The following ACTN2 variants were observed in gnomAD, a reference collection of about 807,000 sequenced individuals.
ACTN2 encodes the protein actinin alpha 2, also known as alpha-actinin-2.
Under a neutral mutation model 113.8 loss-of-function variants are expected in ACTN2, and 39 were observed. The ratio of observed to expected loss-of-function variants is 0.34; its 90% CI spans 0.27 to 0.45. ACTN2 has a LOEUF of 0.45. Ranked by LOEUF, ACTN2 falls within the 20% of genes least tolerant of loss-of-function variation. ACTN2 has a pLI of 1.00. For synonymous variants in ACTN2, 429 were observed against 444.1 expected, an observed-to-expected ratio of 0.97 and a Z score of 0.43; for missense variants, 992 against 1,177.9, an observed-to-expected ratio of 0.84 and a Z score of 2.31.
intron 12 of ACTN2, among the ~76,000 whole-genome samples, chr1:236,747,224 C>A (rs747038350): frequency 1.3e-5 from 2 of 152,290 alleles, no homozygotes; most frequent in East Asian, 3.9e-4. Context: ...TGTTGGCCAG[C>A]GAAAGTTTTA....
chr1:236,722,381 A>G (rs1291068940), intron 4 of ACTN2, among the ~76,000 whole-genome samples: 1 of 152,146 alleles, frequency 6.6e-6, no homozygotes, highest in Admixed American at 6.5e-5. Context: ...TCACGCCTGT[A>G]ACCCCAGCAC....
chr1:236,715,195 T>G (rs1426921685), intron 1 of ACTN2, among the ~76,000 whole-genome samples: 1 of 151,532 alleles, frequency 6.6e-6, no homozygotes, highest in Non-Finnish European at 1.5e-5. Flanking sequence ...TTAGGGTACA[T>G]GTGCACAACG....
chr1:236,744,514 T>C, intron 11 of ACTN2, 112 bp from the exon 12 acceptor site: 1 of 1,315,874 alleles, frequency 7.6e-7, no homozygotes, highest in Non-Finnish European at 1.1e-6. Flanking sequence ...TGCCCCTCTC[T>C]GTCCCCTTCT....
At chr1:236,705,494 A>C (rs1657798262) in intron 1 of ACTN2, among the ~76,000 whole-genome samples, 1 of 152,196 alleles carries the variant, frequency 6.6e-6, no homozygotes, top group South Asian at 2.1e-4. Context: ...ATGAATGTGC[A>C]CATGGAGGGG....
At chr1:236,710,738 C>T (rs1483160767) in intron 1 of ACTN2, among the ~76,000 whole-genome samples, 1 of 152,196 alleles carries the variant, frequency 6.6e-6, no homozygotes. Context: ...CTGAACTCCG[C>T]CTCCTGTCAG....
intron 10 of ACTN2, among the ~76,000 whole-genome samples, chr1:236,742,333 C>T (rs1012122181): frequency 6.6e-6 from 1 of 152,084 alleles, no homozygotes; most frequent in African/African-American, 2.4e-5. Flanking sequence ...CTCACTAGTG[C>T]CTGGTACATG....
In ACTN2 at chr1:236,739,466, G is replaced by A. The variant is rs572167559; in HGVS notation, c.1041G>A (p.Thr347=). 24 of 1,614,108 alleles carry A rather than the reference G, an allele frequency of 1.5e-5. No individual in the cohort carries two copies. The highest frequency in any genetic ancestry group is 9.3e-5 in the African/African-American group (7 of 75,026). The change falls in exon 10 of 21, where the codon ACG becomes ACA. Residue 347 remains threonine (T), a synonymous_variant. Transcript: ENST00000366578. The part of the protein sequence containing the change: ...EKCQLEINFN[T]LQTKLRISNR... ...GCCAGCTGGAGATCAACTTCAACAC[G>A]CTGCAGACCAAGCTGCGGATCAGCA...
intron 9 of ACTN2, among the ~76,000 whole-genome samples, chr1:236,738,075 T>G (rs12139278): frequency 1.3e-5 from 2 of 151,964 alleles, no homozygotes; most frequent in Admixed American, 6.5e-5. Context: ...AGTGGGGCAG[T>G]CCTGGCGCAC....
At chr1:236,740,148 C>T (rs908692904) in intron 10 of ACTN2, among the ~76,000 whole-genome samples, 1 of 152,042 alleles carries the variant, frequency 6.6e-6, no homozygotes, top group African/African-American at 2.4e-5. Flanking sequence ...GAGTCTCACT[C>T]TGTCACCCAG....
chr1:236,714,986 T>C (rs1658131133), intron 1 of ACTN2, among the ~76,000 whole-genome samples: 1 of 130,666 alleles, frequency 7.7e-6, no homozygotes, highest in Non-Finnish European at 1.6e-5. Flanking sequence ...AAGAGACTGA[T>C]AGCTTCATTC....
Position 236,698,783 on chromosome 1 carries a change from T to C in ACTN2, c.126+11984T>C, listed in dbSNP as rs117236541. On this transcript the variant is annotated intron_variant, in intron 1 of 20. Transcript: ENST00000366578. ...CACATATTATTCCTAGTATCCCAAA[T>C]GATTTGCTGAAGAAGACAGAGAAAC... Among the ~76,000 whole-genome samples, 85 of 152,352 alleles carry C rather than the reference T, an allele frequency of 5.6e-4. 3 individuals are homozygous for C. The East Asian group carries it at 0.015, about 27-fold the overall frequency.
intron 12 of ACTN2, among the ~76,000 whole-genome samples, chr1:236,745,420 C>T (rs982610287): frequency 2.0e-5 from 3 of 152,062 alleles, no homozygotes; most frequent in East Asian, 1.9e-4. Context: ...GGCGACAGAG[C>T]GGGACTCCGT....
chr1:236,717,861 T>C lies in ACTN2; in HGVS notation c.130T>C (p.Phe44Leu). The C allele has an allele frequency of 2.5e-6, 4 of 1,613,108 alleles. No individual in the cohort carries two copies. Among genetic ancestry groups the C allele is most frequent in the Non-Finnish European group, 3.4e-6 (4 of 1,179,130 alleles). Residue 44 changes from phenylalanine to leucine, a missense_variant, in exon 2 of 21, where the codon TTC becomes CTC. By Grantham distance (22) the Phe-to-Leu change is conservative (BLOSUM62 0). This residue lies in a region of ACTN2 where 220 missense variants were observed against 337.5 expected (regional missense o/e 0.65). Coordinates refer to ENST00000366578, the MANE Select transcript of ACTN2 (RefSeq NM_001103.4). Reference sequence around the variant, plus strand: ...CCGTGTTTGGTTTTCTTTGCAGACCTTCACTGCCTGGTGTAACTCCCACCT... The same window carrying C: ...CCGTGTTTGGTTTTCTTTGCAGACCCTCACTGCCTGGTGTAACTCCCACCT... ...PAWEKQQRKT[F>L]TAWCNSHLRK...
chr1:236,751,750 A>C, intron 15 of ACTN2, 98 bp downstream of exon 15: 2 of 1,394,580 alleles, frequency 1.4e-6, no homozygotes, highest in Non-Finnish European at 2.0e-6. Flanking sequence ...TGACGGCCTC[A>C]TTTTGCATCA....
intron 6 of ACTN2, among the ~76,000 whole-genome samples, chr1:236,729,930 T>C (rs1658666569): frequency 6.6e-6 from 1 of 152,166 alleles, no homozygotes; most frequent in Non-Finnish European, 1.5e-5. Context: ...GATAATACAA[T>C]AGCAAGTAAT....
Position 236,744,728 on chromosome 1 carries a change from C to T in ACTN2, c.1358C>T (p.Ala453Val), listed in dbSNP as rs566860712. Residue 453 changes from alanine to valine, a missense_variant, in exon 12 of 21, where the codon GCG (alanine) becomes GTG (valine). By Grantham distance (64) the Ala-to-Val change is moderately conservative. Around this residue, in one of 3 missense-constraint regions of ACTN2, gnomAD observed 736 missense variants for 815.4 expected, o/e 0.90. Transcript: ENST00000366578. ...KHEAFESDLAAHQDRVEQIAA... is the reference protein window; with the variant it reads ...KHEAFESDLAVHQDRVEQIAA... Reference sequence around the variant, plus strand: ...GAGGCGTTCGAGAGCGACCTGGCAGCGCACCAGGACCGCGTGGAGCAGATC... The same window carrying T: ...GAGGCGTTCGAGAGCGACCTGGCAGTGCACCAGGACCGCGTGGAGCAGATC... The T allele has an allele frequency of 1.5e-5, 24 of 1,614,184 alleles. No homozygotes were observed. The East Asian group carries it at 1.6e-4, about 10-fold the overall frequency.
intron 14 of ACTN2, among the ~76,000 whole-genome samples, chr1:236,750,991 G>A (rs1293450532): frequency 6.7e-6 from 1 of 149,642 alleles, no homozygotes; most frequent in Admixed American, 6.7e-5. Context: ...TCAGGAGACT[G>A]AGGCAGGAGG....
In ACTN2 at chr1:236,686,671, G is replaced by GC; in HGVS notation, c.-1dup. 1 of 1,555,346 alleles carries GC rather than the reference G, an allele frequency of 6.4e-7. No homozygotes were observed. Among genetic ancestry groups the GC allele is most frequent in the Non-Finnish European group, 8.7e-7 (1 of 1,150,922 alleles). ...CCGCCGCAGCCCCGGCCAACCGAGC[G>GC]CCATGAACCAGATAGAGCCCGGCGT... is the stretch of plus-strand genomic sequence containing the variant. On this transcript the variant is annotated 5_prime_UTR_variant, in exon 1 of 21. Transcript: ENST00000366578.
chr1:236,712,430 A>G lies in ACTN2; in HGVS notation c.127-5428A>G, dbSNP rs1016023719. ...TGACTCTTATGAGTATTCATTAAAG[A>G]TAGGGAAACTTCATTAGGCTTAACT... On this transcript the variant is annotated intron_variant, in intron 1 of 20. Coordinates refer to ENST00000366578, the MANE Select transcript of ACTN2 (RefSeq NM_001103.4). 4.6e-5 allele frequency among the ~76,000 whole-genome samples: 7 copies of G among 152,326 alleles called. No individual in the cohort carries two copies. The East Asian group carries it at 1.3e-3, about 29-fold the overall frequency.
Sources: allele counts gnomAD v4.1 joint callset (sites outside exome capture counted in the v4.1 genomes callset), GRCh38; gene constraint gnomAD v4.1.1; regional missense constraint gnomAD v4.1.1; transcripts MANE v1.5; gene names NCBI Gene and HGNC (gene_info 2026-07-23, HGNC 2026-07-21).